The following HIP1 variants were observed in gnomAD, a reference collection of about 807,000 sequenced individuals.
The protein encoded by HIP1 is huntingtin interacting protein 1.
In HIP1, 65 loss-of-function variants were observed where a neutral mutation model predicts 147.6. The observed-to-expected ratio is 0.44, with a 90% CI of 0.36 to 0.54. The LOEUF is 0.54. Ranked by LOEUF, HIP1 falls within the 20% of genes least tolerant of loss-of-function variation. The pLI, the probability that HIP1 is intolerant of heterozygous loss-of-function variation, is 0.00. For synonymous variants in HIP1, 479 were observed against 504.0 expected, an observed-to-expected ratio of 0.95 and a Z score of 0.67; for missense variants, 1,061 against 1,299.6, an observed-to-expected ratio of 0.82 and a Z score of 2.82.
At chr7:75,631,993 A>G (rs1475600035) in intron 1 of HIP1, among the ~76,000 whole-genome samples, 1 of 152,066 alleles carries the variant, frequency 6.6e-6, no homozygotes, top group Non-Finnish European at 1.5e-5. Flanking sequence ...CTTAAAACCC[A>G]TGTTTGCATC....
intron 1 of HIP1, among the ~76,000 whole-genome samples, chr7:75,634,084 C>T (rs899493898): frequency 6.6e-6 from 1 of 152,058 alleles, no homozygotes; most frequent in Non-Finnish European, 1.5e-5. Context: ...ATCAAAACCT[C>T]GTCTCTACCA....
At chr7:75,722,429 G>A (rs1419679576) in intron 1 of HIP1, among the ~76,000 whole-genome samples, 5 of 152,190 alleles carry the variant, frequency 3.3e-5, no homozygotes, top group African/African-American at 9.7e-5. Flanking sequence ...AAGACCTATA[G>A]TTATAGTGGG....
chr7:75,676,271 A>G (rs1226967105), intron 1 of HIP1, among the ~76,000 whole-genome samples: 2 of 151,962 alleles, frequency 1.3e-5, no homozygotes, highest in African/African-American at 4.8e-5. Flanking sequence ...CAACACATCT[A>G]CTCTTTGCTG....
chr7:75,653,960 G>T (rs1799070680), intron 1 of HIP1, among the ~76,000 whole-genome samples: 1 of 152,160 alleles, frequency 6.6e-6, no homozygotes, highest in South Asian at 2.1e-4. Context: ...GGCACACAAG[G>T]TCTCTGCAGT....
At chr7:75,588,825 A>T (rs966699680) in intron 4 of HIP1, among the ~76,000 whole-genome samples, 5 of 152,254 alleles carry the variant, frequency 3.3e-5, no homozygotes, top group African/African-American at 9.6e-5. Flanking sequence ...GATTTGAAAA[A>T]AAATAAATAA....
intron 12 of HIP1, 76 bp downstream of exon 12, chr7:75,561,996 CT>C: frequency 1.2e-6 from 1 of 850,032 alleles, no homozygotes. Flanking sequence ...AAGAATTCCT[CT>C]TTGGTTAGTG....
chr7:75,577,920 A>C lies in HIP1; in HGVS notation c.604+3317T>G, dbSNP rs112534999. 8.3e-4 allele frequency among the ~76,000 whole-genome samples: 126 copies of C among 152,286 alleles called. 1 individual carries two copies. The highest frequency in any genetic ancestry group is 2.8e-3 in the African/African-American group (115 of 41,552). ...GAGGCTGAGACAGGAGAATTGCTTGAGCCTGGGAGGCGGAGGTTGCAGCGA... is the reference window on the plus strand; with the variant it reads ...GAGGCTGAGACAGGAGAATTGCTTGCGCCTGGGAGGCGGAGGTTGCAGCGA... On this transcript the variant is annotated intron_variant, in intron 7 of 30. Transcript: ENST00000336926.
intron 1 of HIP1, among the ~76,000 whole-genome samples, chr7:75,623,926 G>A (rs1797942854): frequency 6.6e-6 from 1 of 152,170 alleles, no homozygotes; most frequent in Non-Finnish European, 1.5e-5. Flanking sequence ...TTAGGGTGTG[G>A]TGGCTCATGC....
intron 1 of HIP1, among the ~76,000 whole-genome samples, chr7:75,694,497 C>T (rs1800568671): frequency 7.1e-6 from 1 of 140,118 alleles, no homozygotes. Flanking sequence ...TTTTTCTTTT[C>T]TTTCTTTCTT....
chr7:75,616,563 A>G (rs1354636574), intron 1 of HIP1, among the ~76,000 whole-genome samples: 2 of 149,940 alleles, frequency 1.3e-5, no homozygotes, highest in Non-Finnish European at 3.0e-5. Flanking sequence ...GCTAGCCACC[A>G]TGCCTGGCTT....
At chr7:75,641,026 C>T (rs6968162) in intron 1 of HIP1, among the ~76,000 whole-genome samples, 4,822 of 151,384 alleles carry the variant, frequency 0.032, 293 homozygotes, top group Admixed American at 0.14. Context: ...GAAATAATAT[C>T]TTGGGCTTGG....
At chr7:75,636,043 A>AG in intron 1 of HIP1, among the ~76,000 whole-genome samples, 1 of 148,286 alleles carries the variant, frequency 6.7e-6, no homozygotes, top group African/African-American at 2.5e-5. Flanking sequence ...AAAAAAAAAA[A>AG]AAAAAAATCA....
intron 1 of HIP1, among the ~76,000 whole-genome samples, chr7:75,702,769 C>CA (rs781944027): frequency 4.0e-5 from 6 of 150,776 alleles, no homozygotes; most frequent in South Asian, 2.1e-4. Flanking sequence ...TCCTGCCTCA[C>CA]AAAAAAAAGA....
At position 75,559,900 on chromosome 7, in the gene HIP1, G is replaced by T; in HGVS notation, c.1207C>A (p.Leu403Met). The T allele has an allele frequency of 6.2e-7, 1 of 1,605,364 alleles. No homozygotes were observed. The change falls in exon 14 of 31, where the codon CTG becomes ATG. Residue 403 changes from leucine (L) to methionine (M), a missense_variant. Transcript: ENST00000336926. ...TCGCTGACGTGGCCCTTCAGCTGCA[G>T]CACAACCCGCTGGCTCTGTGGGGGG... is the stretch of plus-strand genomic sequence containing the variant. ...NMKTESQRVV[L>M]QLKGHVSELE...
intron 1 of HIP1, among the ~76,000 whole-genome samples, chr7:75,650,015 A>G (rs1798921364): frequency 6.6e-6 from 1 of 152,134 alleles, no homozygotes; most frequent in Non-Finnish European, 1.5e-5. Context: ...TGGCTGAGCT[A>G]TATGGAGATG....
intron 1 of HIP1, among the ~76,000 whole-genome samples, chr7:75,682,756 C>T (rs114191556): frequency 1.2e-3 from 180 of 152,228 alleles, no homozygotes; most frequent in African/African-American, 4.2e-3. Context: ...TACAAAAACA[C>T]ACCTGCTACA....
At chr7:75,712,685 C>G (rs908572566) in intron 1 of HIP1, among the ~76,000 whole-genome samples, 1 of 152,180 alleles carries the variant, frequency 6.6e-6, no homozygotes, top group Non-Finnish European at 1.5e-5. Flanking sequence ...CACATTCCTT[C>G]ACTCTCATTC....
intron 1 of HIP1, among the ~76,000 whole-genome samples, chr7:75,706,672 T>C (rs1319849191): frequency 7.9e-6 from 1 of 126,666 alleles, no homozygotes; most frequent in Non-Finnish European, 1.6e-5. Flanking sequence ...AGGGTACATG[T>C]GCACATTGTG....
intron 1 of HIP1, among the ~76,000 whole-genome samples, chr7:75,700,807 G>T (rs797042142): frequency 6.6e-6 from 1 of 151,724 alleles, no homozygotes; most frequent in Non-Finnish European, 1.5e-5. Context: ...CCGGGTTCAC[G>T]CCATTCTCCT....
Sources: gnomAD v4.1 joint callset for allele counts (sites outside exome capture counted in the v4.1 genomes callset) on GRCh38, gnomAD v4.1.1 for gene constraint, MANE v1.5 for transcripts, NCBI Gene and HGNC (gene_info 2026-07-23, HGNC 2026-07-21) for gene names.